Variants in CREBRF observed in about 807,000 individuals in gnomAD.
The protein encoded by CREBRF is CREB3 regulatory factor, also known as UPF0474 protein C5orf41.
In CREBRF, 5 loss-of-function variants were observed where a neutral mutation model predicts 66.1. The observed-to-expected ratio is 0.08, with a 90% confidence interval of 0.04 to 0.16. CREBRF has a LOEUF of 0.16. CREBRF is among the 10% of genes least tolerant of loss of function. The probability of loss-of-function intolerance (pLI) is 1.00; values close to 1 mark genes in which losing one functional copy is unlikely to be tolerated. For missense variants in CREBRF, 531 were observed against 744.9 expected (o/e 0.71, Z 3.34); for synonymous variants, 229 against 264.4 (o/e 0.87, Z 1.30).
chr5:173,123,920 A>G (rs927166384), intron 8 of CREBRF: 1 of 152,212 alleles, frequency 6.6e-6, no homozygotes, highest in East Asian at 1.9e-4. Context: ...TCCTGCTTCC[A>G]TATGGATTAA....
Position 173,092,527 on chromosome 5 carries a change from T to G in CREBRF, c.1222+1126T>G, listed in dbSNP as rs752159061. 4.6e-5 allele frequency among the ~76,000 whole-genome samples: 7 copies of G among 152,208 alleles called. No individual in the cohort carries two copies. In the South Asian group the frequency reaches 8.3e-4, roughly 18 times the overall value. Reference sequence around the variant, plus strand: ...GCACAAAGAAGTAAAGATCTTTAAATTTAAACTAAAGTTATCTTCTTCAAA... The same window carrying G: ...GCACAAAGAAGTAAAGATCTTTAAAGTTAAACTAAAGTTATCTTCTTCAAA... On this transcript the variant is annotated intron_variant, in intron 4 of 8. Coordinates refer to ENST00000296953, the MANE Select transcript of CREBRF (RefSeq NM_153607.3).
At chr5:173,074,031 G>A (rs1043078874) in intron 1 of CREBRF, among the ~76,000 whole-genome samples, 3 of 148,226 alleles carry the variant, frequency 2.0e-5, no homozygotes, top group East Asian at 1.9e-4. Flanking sequence ...GGCCGGTTGC[G>A]GTGGCTCATG....
chr5:173,093,927 C>T (rs768824367), intron 4 of CREBRF, among the ~76,000 whole-genome samples: 6 of 152,182 alleles, frequency 3.9e-5, no homozygotes, highest in Non-Finnish European at 5.9e-5. Flanking sequence ...TTTCCCCCAC[C>T]CACCAGCCCC....
intron 4 of CREBRF, among the ~76,000 whole-genome samples, chr5:173,107,303 C>G (rs1035840614): frequency 6.6e-6 from 1 of 152,158 alleles, no homozygotes; most frequent in Admixed American, 6.6e-5. Context: ...GGATTGTGTA[C>G]ATTCTTCGCA....
At chr5:173,115,601 G>A (rs1174878057) in intron 7 of CREBRF, among the ~76,000 whole-genome samples, 1 of 152,032 alleles carries the variant, frequency 6.6e-6, no homozygotes, top group Non-Finnish European at 1.5e-5. Context: ...TCCTTGTTCA[G>A]TGACACATTT....
At chr5:173,057,160 G>A (rs1338874747) in intron 1 of CREBRF, among the ~76,000 whole-genome samples, 1 of 152,170 alleles carries the variant, frequency 6.6e-6, no homozygotes, top group Non-Finnish European at 1.5e-5. Context: ...GGAGCCCTCA[G>A]AGCTGAGTGG....
chr5:173,117,394 ATAAG>A (rs147187697), intron 7 of CREBRF, among the ~76,000 whole-genome samples: 2 of 145,902 alleles, frequency 1.4e-5, no homozygotes, highest in African/African-American at 2.5e-5. Context: ...AAAAAAAAAA[ATAAG>A]TAAGTAAATA....
At chr5:173,118,973 A>G (rs1483795709) in intron 7 of CREBRF, among the ~76,000 whole-genome samples, 1 of 151,942 alleles carries the variant, frequency 6.6e-6, no homozygotes, top group Non-Finnish European at 1.5e-5. Context: ...CGATCATCCC[A>G]TCTTGGCCTC....
chr5:173,061,201 C>T (rs1757261171), intron 1 of CREBRF, among the ~76,000 whole-genome samples: 2 of 152,152 alleles, frequency 1.3e-5, no homozygotes, highest in South Asian at 4.1e-4. Flanking sequence ...CTCCTGACCT[C>T]CTGATCTGCC....
chr5:173,113,857 C>T (rs1011827659), intron 7 of CREBRF, among the ~76,000 whole-genome samples: 1 of 152,142 alleles, frequency 6.6e-6, no homozygotes, highest in African/African-American at 2.4e-5. Flanking sequence ...TGGTTTTGAT[C>T]TTCTGTGATA....
At chr5:173,070,781 G>A (rs1392448805) in intron 1 of CREBRF, among the ~76,000 whole-genome samples, 2 of 152,052 alleles carry the variant, frequency 1.3e-5, no homozygotes, top group Non-Finnish European at 2.9e-5. Context: ...GCACATAAAC[G>A]ATGCTCAATA....
intron 4 of CREBRF, among the ~76,000 whole-genome samples, chr5:173,096,784 AT>A (rs571313366): frequency 3.6e-4 from 54 of 151,960 alleles, no homozygotes; most frequent in African/African-American, 1.2e-3. Flanking sequence ...AAGCATGTTG[AT>A]TTTTTAAAGC....
intron 1 of CREBRF, among the ~76,000 whole-genome samples, chr5:173,073,137 A>C (rs914595499): frequency 1.3e-5 from 2 of 152,204 alleles, no homozygotes; most frequent in South Asian, 4.1e-4. Context: ...CAAAATGTAG[A>C]TTTGCGAGTC....
chr5:173,123,679 A>G (rs145019832), intron 8 of CREBRF: 35 of 156,692 alleles, frequency 2.2e-4, no homozygotes, highest in Middle Eastern at 3.3e-3. Context: ...AGAGAGAGCT[A>G]GCTAGTATAG....
intron 4 of CREBRF, among the ~76,000 whole-genome samples, chr5:173,093,369 G>A (rs1361393875): frequency 3.3e-5 from 5 of 152,072 alleles, no homozygotes; most frequent in African/African-American, 7.2e-5. Context: ...AATTGTATAC[G>A]TTTAAAGTGT....
Position 173,125,737 on chromosome 5 carries a change from G to A in CREBRF, c.1804+2535G>A, listed in dbSNP as rs192203942. Among the ~76,000 whole-genome samples, 11 of 152,244 alleles carry A rather than the reference G, an allele frequency of 7.2e-5. No homozygotes were observed. In the East Asian group the frequency reaches 1.7e-3, roughly 24 times the overall value. ...AAAAAAGCTGGGTGTGGTGGCACGC[G>A]CCGGTAGTCCCAGCTACTTGGGAGG... is the stretch of plus-strand genomic sequence containing the variant. On this transcript the variant is annotated intron_variant, in intron 8 of 8. Transcript: ENST00000296953.
In CREBRF at chr5:173,134,406, G is replaced by A; in HGVS notation, c.*661G>A. On this transcript the variant is annotated 3_prime_UTR_variant, in exon 9 of 9. Transcript: ENST00000296953. ...TTTTGTATGATGAAAACCCTAATGA[G>A]AAAAAACAAGATATATAGATGGAAA... 1 of 331,262 alleles carries A rather than the reference G, an allele frequency of 3.0e-6. No homozygotes were observed. The highest frequency in any genetic ancestry group is 2.4e-5 in the South Asian group (1 of 41,874). The allele number at this position is 331,262 out of a possible 1,614,324, so 20.5% of individuals were successfully genotyped here.
At chr5:173,126,990 C>G (rs1759289735) in intron 8 of CREBRF, among the ~76,000 whole-genome samples, 1 of 152,026 alleles carries the variant, frequency 6.6e-6, no homozygotes, top group Non-Finnish European at 1.5e-5. Context: ...AGCTCAAGAC[C>G]AGCCTGAACC....
rs1288221040 is a variant in CREBRF at position 173,091,316 on chromosome 5, G to C, written c.1137G>C (p.Leu379=). Residue 379 remains leucine, a synonymous_variant, in exon 4 of 9, where the codon CTG becomes CTC. Transcript: ENST00000296953. ...HDEGFGSEHE[L]SENEEEEEEE... is the part of the protein sequence containing the mutation. ...AAGGATTCGGCAGTGAGCATGAACTGTCTGAAAATGAGGAGGAGGAAGAAG... is the reference window on the plus strand; with the variant it reads ...AAGGATTCGGCAGTGAGCATGAACTCTCTGAAAATGAGGAGGAGGAAGAAG... The C allele has an allele frequency of 3.1e-6, 5 of 1,613,162 alleles. No individual in the cohort carries two copies. In the Admixed American group the frequency reaches 8.4e-5, roughly 27 times the overall value.
Sources: gnomAD v4.1 joint callset for allele counts (sites outside exome capture counted in the v4.1 genomes callset) on GRCh38, gnomAD v4.1.1 for gene constraint, MANE v1.5 for transcripts, NCBI Gene and HGNC (gene_info 2026-07-23, HGNC 2026-07-21) for gene names.